The following XKR3 variants were observed in gnomAD, a reference collection of about 807,000 sequenced individuals.
XKR3 encodes the protein XK-related protein 3.
In XKR3, 27 loss-of-function variants were observed where a neutral mutation model predicts 40.3. That is an observed-to-expected ratio of 0.67 (90% CI 0.49 to 0.92). XKR3 has a LOEUF of 0.92. Among genes scored for constraint, XKR3 ranks in the 40% least tolerant of loss-of-function variants. The pLI is 0.00. For missense variants in XKR3, 472 were observed against 537.6 expected, an observed-to-expected ratio of 0.88 and a Z score of 1.21; for synonymous variants, 193 against 195.4, an observed-to-expected ratio of 0.99 and a Z score of 0.10.
intron 1 of XKR3, among the ~76,000 whole-genome samples, chr22:16,820,661 C>T (rs887899): frequency 0.6 from 91,060 of 151,924 alleles, 27,426 homozygotes; most frequent in African/African-American, 0.61. Context: ...CTCCAGTACA[C>T]AATACAGAGA....
chr22:16,814,430 T>G (rs1417762287), intron 1 of XKR3, among the ~76,000 whole-genome samples: 1 of 152,180 alleles, frequency 6.6e-6, no homozygotes, highest in Non-Finnish European at 1.5e-5. Context: ...AAATTTTGAA[T>G]GGAAAGTGTA....
chr22:16,787,063 G>GA (rs1434076683), intron 3 of XKR3, among the ~76,000 whole-genome samples: 1 of 150,902 alleles, frequency 6.6e-6, no homozygotes, highest in African/African-American at 2.4e-5. Context: ...ATAATGGGAG[G>GA]AAAAAACTAA....
Position 16,796,034 on chromosome 22 carries a change from C to T in XKR3, c.589+3737G>A, listed in dbSNP as rs1181826745. On this transcript the variant is annotated intron_variant, in intron 3 of 3. Transcript: ENST00000684488. Reference sequence around the variant, plus strand: ...CAATATAGGCTATATATGACTGATCCCACAGAAATACAAAAGATCCTCAGA... The same window carrying T: ...CAATATAGGCTATATATGACTGATCTCACAGAAATACAAAAGATCCTCAGA... 8.5e-5 allele frequency among the ~76,000 whole-genome samples: 13 copies of T among 152,052 alleles called. No individual in the cohort carries two copies. The South Asian group carries it at 2.5e-3, about 29-fold the overall frequency.
intron 1 of XKR3, among the ~76,000 whole-genome samples, chr22:16,811,730 C>G (rs753294872): frequency 1.1e-4 from 17 of 152,096 alleles, no homozygotes; most frequent in Admixed American, 2.0e-4. Context: ...TTAATATGGC[C>G]GGGCACGGTG....
At position 16,806,260 on chromosome 22, in the gene XKR3, C is replaced by CAAAAA. The variant is rs59631397; in HGVS notation, c.335+1474_335+1478dup. Among the ~76,000 whole-genome samples, 56 of 131,994 alleles carry CAAAAA rather than the reference C, an allele frequency of 4.2e-4. 2 individuals carry two copies. The highest frequency in any genetic ancestry group is 2.7e-3 in the South Asian group (11 of 4,092). The allele number at this position is 131,994 out of a possible 152,430, so 86.6% of individuals were successfully genotyped here. ...GGTGAAAAAGAATGATAGTTCATCTCAAAAAAAAAAAGAAAAAAGTCAATT... is the reference window on the plus strand; with the variant it reads ...GGTGAAAAAGAATGATAGTTCATCTCAAAAAAAAAAAAAAAAGAAAAAAGTCAATT... On this transcript the variant is annotated intron_variant, in intron 2 of 3. Coordinates refer to ENST00000684488, the MANE Select transcript of XKR3 (RefSeq NM_001386955.1).
chr22:16,815,309 T>C (rs145726723), intron 1 of XKR3, among the ~76,000 whole-genome samples: 111 of 152,232 alleles, frequency 7.3e-4, no homozygotes, highest in African/African-American at 2.6e-3. Context: ...TACTTGGTTA[T>C]GAAATGCACC....
At chr22:16,812,127 T>A (rs541145927) in intron 1 of XKR3, among the ~76,000 whole-genome samples, 1 of 152,330 alleles carries the variant, frequency 6.6e-6, no homozygotes, top group South Asian at 2.1e-4. Context: ...CATGGCCACT[T>A]CCTCCAGTTT....
chr22:16,811,880 G>C (rs2060214350), intron 1 of XKR3, among the ~76,000 whole-genome samples: 1 of 152,116 alleles, frequency 6.6e-6, no homozygotes, highest in Admixed American at 6.5e-5. Context: ...ATGGTGGCGG[G>C]CACCTGTAGT....
chr22:16,790,921 C>G (rs1347847186), intron 3 of XKR3, among the ~76,000 whole-genome samples: 1 of 147,422 alleles, frequency 6.8e-6, no homozygotes, highest in Non-Finnish European at 1.5e-5. Flanking sequence ...TATGGAGGAA[C>G]GAAAACTCTT....
rs2060075157 is a variant in XKR3, at chr22:16,783,632, A to G, written c.1367T>C (p.Met456Thr). 3.1e-6 allele frequency: 5 copies of G among 1,589,828 alleles called. No individual in the cohort carries two copies. The highest frequency in any genetic ancestry group is 1.9e-4 in the Middle Eastern group (1 of 5,236). ...RVGYFSIRKS[M>T]TCS is the part of the protein sequence containing the mutation. ...TATATGTATATTTTATGAACATGTCATACTTTTTCTGATTGAAAAATATCC... is the reference window on the plus strand; with the variant it reads ...TATATGTATATTTTATGAACATGTCGTACTTTTTCTGATTGAAAAATATCC... The change falls in exon 4 of 4, where the codon ATG becomes ACG. Residue 456 changes from methionine (M) to threonine (T), a missense_variant. Met to Thr is a moderately conservative substitution (Grantham distance 81, BLOSUM62 -1). Transcript: ENST00000684488.
At position 16,823,535 on chromosome 22, in the gene XKR3, A is replaced by G. The variant is rs553665386; in HGVS notation, c.-11+1756T>C. Among the ~76,000 whole-genome samples, 3 of 152,342 alleles carry G rather than the reference A, an allele frequency of 2.0e-5. No homozygotes were observed. In the South Asian group the frequency reaches 6.2e-4, roughly 32 times the overall value. On this transcript the variant is annotated intron_variant, in intron 1 of 3. Coordinates refer to ENST00000684488, the MANE Select transcript of XKR3 (RefSeq NM_001386955.1). ...AGCAGAATTTTTGGGAAAAACATTTAAAATAAACTTAAACACCTTACTTTT... is the reference window on the plus strand; with the variant it reads ...AGCAGAATTTTTGGGAAAAACATTTGAAATAAACTTAAACACCTTACTTTT...
At chr22:16,807,424 TC>T (rs2060193925) in intron 2 of XKR3, among the ~76,000 whole-genome samples, 1 of 152,234 alleles carries the variant, frequency 6.6e-6, no homozygotes, top group Non-Finnish European at 1.5e-5. Context: ...AGGTTATAGT[TC>T]TAGGCCTCAT....
At chr22:16,800,468 T>C (rs1195293969) in intron 2 of XKR3, among the ~76,000 whole-genome samples, 1 of 152,186 alleles carries the variant, frequency 6.6e-6, no homozygotes, top group Non-Finnish European at 1.5e-5. Flanking sequence ...CTTCCCATGA[T>C]ACAAATGTCA....
At chr22:16,821,151 A>C (rs1184313569) in intron 1 of XKR3, among the ~76,000 whole-genome samples, 3 of 152,152 alleles carry the variant, frequency 2.0e-5, no homozygotes, top group South Asian at 4.1e-4. Flanking sequence ...TTTAAGAGTC[A>C]CAAATCAGAC....
At chr22:16,822,112 A>C (rs2060259352) in intron 1 of XKR3, among the ~76,000 whole-genome samples, 1 of 152,176 alleles carries the variant, frequency 6.6e-6, no homozygotes, top group Non-Finnish European at 1.5e-5. Context: ...TGTTAATTTT[A>C]GACTTTTTTC....
In XKR3 at chr22:16,791,315, TA is replaced by T. The variant is rs1229146626; in HGVS notation, c.590-6907del. Among the ~76,000 whole-genome samples, 1,117 of 141,436 alleles carry T rather than the reference TA, an allele frequency of 7.9e-3. 11 individuals are homozygous for T. The highest frequency in any genetic ancestry group is 0.025 in the African/African-American group (962 of 38,748). 92.8% of individuals were successfully genotyped at this position (141,436 alleles called of 152,430 possible). The stretch of plus-strand genomic sequence containing the variant: ...ATGGTCTCACTTTTATGAGAAAACT[TA>T]AAAAAAAAAAGACTCTGTGGATATA... On this transcript the variant is annotated intron_variant, in intron 3 of 3. Coordinates refer to ENST00000684488, the MANE Select transcript of XKR3 (RefSeq NM_001386955.1).
intron 1 of XKR3, among the ~76,000 whole-genome samples, chr22:16,821,892 G>T (rs1436276151): frequency 6.6e-6 from 1 of 151,968 alleles, no homozygotes; most frequent in Non-Finnish European, 1.5e-5. Flanking sequence ...TGGAGTTACA[G>T]TTTAGTTTTA....
At chr22:16,807,623 G>T in intron 2 of XKR3, 116 bp downstream of exon 2, 1 of 953,504 alleles carries the variant, frequency 1.0e-6, no homozygotes, top group Non-Finnish European at 1.5e-6. Context: ...AATCTAAAGA[G>T]GGAAATATTT....
At chr22:16,791,203 G>T (rs1239830833) in intron 3 of XKR3, among the ~76,000 whole-genome samples, 3 of 151,906 alleles carry the variant, frequency 2.0e-5, no homozygotes, top group African/African-American at 7.3e-5. Context: ...ATACACAATG[G>T]AAGAGTATTC....
Sources: gnomAD v4.1 joint callset for allele counts (sites outside exome capture counted in the v4.1 genomes callset) on GRCh38, gnomAD v4.1.1 for gene constraint, MANE v1.5 for transcripts, NCBI Gene and HGNC (gene_info 2026-07-23, HGNC 2026-07-21) for gene names.